ANK1: variants seen among roughly 807,000 people sequenced by gnomAD.
ANK1 encodes ankyrin 1, also known as ankyrin-1.
In ANK1, 51 loss-of-function variants were observed where a neutral mutation model predicts 210.4. The observed-to-expected ratio is 0.24, with a 90% CI of 0.19 to 0.31. ANK1 has a LOEUF of 0.31. Among genes scored for constraint, ANK1 ranks in the 10% least tolerant of loss-of-function variants. ANK1 has a pLI of 1.00. For synonymous variants in ANK1, 967 were observed against 1,025.9 expected, an observed-to-expected ratio of 0.94 and a Z score of 1.10; for missense variants, 2,051 against 2,504.4, an observed-to-expected ratio of 0.82 and a Z score of 3.86.
Position 41,684,590 on chromosome 8 carries a change from C to T in ANK1, c.4491G>A (p.Arg1497=), listed in dbSNP as rs765430197. 1.7e-5 allele frequency: 27 copies of T among 1,613,888 alleles called. No homozygotes were observed. The highest frequency in any genetic ancestry group is 2.0e-5 in the Non-Finnish European group (24 of 1,180,042). The stretch of plus-strand genomic sequence containing the variant: ...GCGAGTAGTCGCGGTCGGTGTGCCG[C>T]CTGTCTGGCTTCAAGTTGCGGCTCT... ...GRQSRNLKPD[R]RHTDRDYSLS... Residue 1497 remains arginine (R), a synonymous_variant, in exon 37 of 43, where the codon AGG becomes AGA. Coordinates refer to ENST00000289734, the MANE Select transcript of ANK1 (RefSeq NM_000037.4).
At chr8:41,744,238 AT>A (rs1835504641) in intron 2 of ANK1, among the ~76,000 whole-genome samples, 3 of 152,204 alleles carry the variant, frequency 2.0e-5, no homozygotes, top group African/African-American at 7.2e-5. Flanking sequence ...AAATAAATTA[AT>A]GGGGAAAAGA....
intron 1 of ANK1, among the ~76,000 whole-genome samples, chr8:41,841,154 T>C (rs1230063163): frequency 1.3e-5 from 2 of 152,182 alleles, no homozygotes; most frequent in Non-Finnish European, 2.9e-5. Context: ...ACAGCCCACA[T>C]GTCCAATGTA....
At chr8:41,711,091 A>G (rs1389227525) in intron 16 of ANK1, among the ~76,000 whole-genome samples, 3 of 152,246 alleles carry the variant, frequency 2.0e-5, no homozygotes, top group Admixed American at 1.3e-4. Context: ...TTGGATTATA[A>G]TAAGTTTAAT....
At chr8:41,713,941 G>A (rs1826879016) in intron 16 of ANK1, among the ~76,000 whole-genome samples, 1 of 152,314 alleles carries the variant, frequency 6.6e-6, no homozygotes, top group East Asian at 1.9e-4. Context: ...CCCCTGGCTG[G>A]GAATTGTTAC....
At chr8:41,832,060 C>CG (rs1464967642) in intron 1 of ANK1, among the ~76,000 whole-genome samples, 16 of 152,122 alleles carry the variant, frequency 1.1e-4, no homozygotes, top group Non-Finnish European at 1.3e-4. Context: ...GAGAATTTTG[C>CG]GGGGCGATGG....
In ANK1 at chr8:41,811,651, C is replaced by G. The variant is rs146518180; in HGVS notation, c.127-53514G>C. On this transcript the variant is annotated intron_variant, in intron 1 of 42. Coordinates refer to the ANK1 transcript ENST00000265709. ...TCCACCAGTCTTTGTGCTGCAGAGA[C>G]CAGAGCACGGAACCTCCCAAACCTC... is the stretch of plus-strand genomic sequence containing the variant. Among the ~76,000 whole-genome samples the G allele has an allele frequency of 6.6e-4, 101 of 152,312 alleles. No individual in the cohort carries two copies. The East Asian group carries it at 0.019, about 29-fold the overall frequency.
At chr8:41,812,338 G>T (rs984372731) in intron 1 of ANK1, among the ~76,000 whole-genome samples, 2 of 152,148 alleles carry the variant, frequency 1.3e-5, no homozygotes, top group African/African-American at 4.8e-5. Flanking sequence ...CACAAAATAT[G>T]AGACTCAAAG....
At chr8:41,737,107 G>A (rs921785514) in intron 2 of ANK1, among the ~76,000 whole-genome samples, 22 of 152,132 alleles carry the variant, frequency 1.4e-4, no homozygotes, top group East Asian at 1.3e-3. Flanking sequence ...GAGACCAGCC[G>A]GGACAGCATG....
chr8:41,678,255 C>T (rs1186864934), intron 37 of ANK1, among the ~76,000 whole-genome samples: 5 of 152,184 alleles, frequency 3.3e-5, no homozygotes. Flanking sequence ...TCTCCTGCCT[C>T]AGCCTCTCAA....
chr8:41,734,215 G>T, intron 2 of ANK1, 146 bp from the exon 3 acceptor site: 1 of 765,290 alleles, frequency 1.3e-6, no homozygotes, highest in Non-Finnish European at 2.3e-6. Flanking sequence ...GTTGGAAGGG[G>T]CACAGGGCAG....
chr8:41,719,484 G>A (rs1352819226), intron 10 of ANK1, among the ~76,000 whole-genome samples, 177 bp downstream of exon 10: 1 of 152,182 alleles, frequency 6.6e-6, no homozygotes, highest in Non-Finnish European at 1.5e-5. Flanking sequence ...GGAGGGTGCA[G>A]GAGGGGTGCA....
chr8:41,699,938 T>C (rs1429924740), intron 22 of ANK1, among the ~76,000 whole-genome samples: 4 of 152,206 alleles, frequency 2.6e-5, no homozygotes. Context: ...GACCCACTCA[T>C]TTCAAAGGGC....
chr8:41,790,802 A>G (rs1313571444), intron 1 of ANK1, among the ~76,000 whole-genome samples: 1 of 152,212 alleles, frequency 6.6e-6, no homozygotes, highest in Non-Finnish European at 1.5e-5. Flanking sequence ...GAGGTATTCA[A>G]AGACTACGAA....
At chr8:41,742,930 G>C (rs1458399714) in intron 2 of ANK1, among the ~76,000 whole-genome samples, 2 of 152,150 alleles carry the variant, frequency 1.3e-5, no homozygotes, top group Non-Finnish European at 2.9e-5. Context: ...AATATCCTAG[G>C]TTAGTGGGAT....
At chr8:41,781,770 C>A (rs111590099) in intron 1 of ANK1, among the ~76,000 whole-genome samples, 21 of 152,296 alleles carry the variant, frequency 1.4e-4, no homozygotes, top group African/African-American at 4.3e-4. Context: ...CGACTCAGGG[C>A]GGTGACCCAG....
chr8:41,708,287 C>T (rs373738420), intron 17 of ANK1, among the ~76,000 whole-genome samples: 293 of 152,276 alleles, frequency 1.9e-3, no homozygotes, highest in African/African-American at 6.6e-3. Context: ...AAACTGCTCA[C>T]GCGCGCTTCC....
intron 38 of ANK1, among the ~76,000 whole-genome samples, chr8:41,671,591 C>T (rs1447952074): frequency 6.8e-5 from 10 of 148,138 alleles, no homozygotes; most frequent in East Asian, 2.0e-4. Context: ...TGAGCTCTCC[C>T]GGCACCCCGA....
At chr8:41,684,437 G>A (rs1179251255) in intron 37 of ANK1, 107 bp downstream of exon 37, 2 of 1,526,066 alleles carry the variant, frequency 1.3e-6, no homozygotes, top group Non-Finnish European at 1.8e-6. Flanking sequence ...CCAATGGGAG[G>A]CAGAGCGGGC....
Position 41,715,095 on chromosome 8 carries a change from A to G in ANK1, c.1603-21T>C, listed in dbSNP as rs1448970012. On this transcript the variant is annotated intron_variant, in intron 14 of 42. Coordinates refer to ENST00000289734, the MANE Select transcript of ANK1 (RefSeq NM_000037.4). ...CCTTTCTGAGGAGAAACAGGCTGTCAGGACCTTGGGGCCCCAGGGCTGTCC... is the reference window on the plus strand; with the variant it reads ...CCTTTCTGAGGAGAAACAGGCTGTCGGGACCTTGGGGCCCCAGGGCTGTCC... 3.1e-6 allele frequency: 5 copies of G among 1,612,958 alleles called. No individual in the cohort carries two copies. The South Asian group carries it at 4.4e-5, about 14-fold the overall frequency.
Sources: gnomAD v4.1 joint callset for allele counts (sites outside exome capture counted in the v4.1 genomes callset) on GRCh38, gnomAD v4.1.1 for gene constraint, MANE v1.5 for transcripts, NCBI Gene and HGNC (gene_info 2026-07-23, HGNC 2026-07-21) for gene names.